Variants in DENND5B observed in about 807,000 individuals in gnomAD.
The protein encoded by DENND5B is DENN domain containing 5B.
Under a neutral mutation model 140.6 loss-of-function variants are expected in DENND5B, and 34 were observed. The ratio of observed to expected loss-of-function variants is 0.24; its 90% CI spans 0.18 to 0.32. The LOEUF (loss-of-function observed/expected upper bound fraction) is 0.32, where lower values mean the gene tolerates loss of function less well. Among genes scored for constraint, DENND5B ranks in the 10% least tolerant of loss-of-function variants. The pLI is 1.00. For synonymous variants in DENND5B, 551 were observed against 562.1 expected, an observed-to-expected ratio of 0.98 and a Z score of 0.28; for missense variants, 1,142 against 1,560.2, an observed-to-expected ratio of 0.73 and a Z score of 4.52.
rs577962998 is a variant in DENND5B, at chr12:31,484,076, A to T, written c.238-3821T>A. Among the ~76,000 whole-genome samples, 4 of 151,226 alleles carry T rather than the reference A, an allele frequency of 2.6e-5. No individual in the cohort carries two copies. The South Asian group carries it at 8.4e-4, about 32-fold the overall frequency. On this transcript the variant is annotated intron_variant, in intron 2 of 20. Transcript: ENST00000389082. ...CCATTTTTGGCCAGGCTGGTCTCAA[A>T]CTCCTGACCTCAAGTGATCTGCCCG...
intron 1 of DENND5B, among the ~76,000 whole-genome samples, chr12:31,584,689 T>G (rs1270234940): frequency 6.6e-6 from 1 of 151,922 alleles, no homozygotes; most frequent in Non-Finnish European, 1.5e-5. Context: ...TAGCCAGGCA[T>G]GGTGGCACAT....
intron 2 of DENND5B, among the ~76,000 whole-genome samples, chr12:31,495,537 C>T (rs543971494): frequency 1.7e-3 from 259 of 152,090 alleles, no homozygotes; most frequent in Non-Finnish European, 2.9e-3. Context: ...TGCCACCACA[C>T]CTGGCCAATT....
At chr12:31,579,638 G>GTTTA (rs143308745) in intron 1 of DENND5B, among the ~76,000 whole-genome samples, 212 of 150,268 alleles carry the variant, frequency 1.4e-3, no homozygotes, top group African/African-American at 4.2e-3. Context: ...TCTAGCCTGG[G>GTTTA]TTTATTTATT....
chr12:31,456,332 A>G (rs1410185965), intron 4 of DENND5B, among the ~76,000 whole-genome samples: 82 of 25,894 alleles, frequency 3.2e-3, no homozygotes, highest in African/African-American at 5.3e-3. Context: ...TCCGTCTCAA[A>G]AAAAAAAAAA....
chr12:31,561,259 AC>A (rs1949464948), intron 1 of DENND5B, among the ~76,000 whole-genome samples: 1 of 152,212 alleles, frequency 6.6e-6, no homozygotes, highest in South Asian at 2.1e-4. Flanking sequence ...TTCCTTATCC[AC>A]ATATCGCAAA....
chr12:31,401,004 G>A (rs547240278), intron 15 of DENND5B, among the ~76,000 whole-genome samples: 9 of 152,024 alleles, frequency 5.9e-5, no homozygotes, highest in African/African-American at 1.9e-4. Flanking sequence ...CACCATGCCC[G>A]GCTAATTTTT....
intron 1 of DENND5B, among the ~76,000 whole-genome samples, chr12:31,517,096 G>A (rs577435051): frequency 9.9e-5 from 15 of 151,854 alleles, no homozygotes; most frequent in African/African-American, 2.7e-4. Context: ...TCTTAAATTC[G>A]GCTGGGGAAA....
At chr12:31,512,392 T>C (rs1418530194) in intron 1 of DENND5B, among the ~76,000 whole-genome samples, 4 of 151,362 alleles carry the variant, frequency 2.6e-5, no homozygotes, top group Non-Finnish European at 4.4e-5. Flanking sequence ...CTAATTTTTT[T>C]TTTTTTTTTT....
At chr12:31,511,647 A>G (rs767358506) in intron 1 of DENND5B, among the ~76,000 whole-genome samples, 14 of 151,808 alleles carry the variant, frequency 9.2e-5, no homozygotes, top group Non-Finnish European at 2.1e-4. Context: ...ACACTGTTAA[A>G]TTATATCTTC....
chr12:31,441,272 G>A (rs1944017229), intron 7 of DENND5B, among the ~76,000 whole-genome samples: 1 of 152,046 alleles, frequency 6.6e-6, no homozygotes, highest in Non-Finnish European at 1.5e-5. Flanking sequence ...TGAGCCTGGG[G>A]AGGTCAAGGC....
At chr12:31,421,019 G>T (rs1021993918) in intron 11 of DENND5B, among the ~76,000 whole-genome samples, 3 of 152,102 alleles carry the variant, frequency 2.0e-5, no homozygotes, top group African/African-American at 4.8e-5. Flanking sequence ...TTCAGTGCTA[G>T]TAAGAATAAT....
chr12:31,589,198 G>T (rs1188061924), intron 1 of DENND5B, among the ~76,000 whole-genome samples: 1 of 152,158 alleles, frequency 6.6e-6, no homozygotes, highest in South Asian at 2.1e-4. Flanking sequence ...GGGAAGAAAG[G>T]AGTCTAGAAA....
chr12:31,434,340 A>G (rs1943645022), intron 7 of DENND5B, among the ~76,000 whole-genome samples: 1 of 152,182 alleles, frequency 6.6e-6, no homozygotes, highest in African/African-American at 2.4e-5. Context: ...GATTGATAAA[A>G]TCAGTGCTAG....
rs767404652 is a variant in DENND5B, at chr12:31,433,266, T to C, written c.2013-18A>G. ...CCCAGCGACTGAAACAATCAAATTA[T>C]TTAAAAATGTGTTCCTTATCTTTAA... On this transcript the variant is annotated intron_variant, in intron 7 of 20. Transcript: ENST00000389082. 15 of 1,603,154 alleles carry C rather than the reference T, an allele frequency of 9.4e-6. No homozygotes were observed. The South Asian group carries it at 1.5e-4, about 16-fold the overall frequency.
In DENND5B at chr12:31,452,109, T is replaced by C. The variant is rs1194773453; in HGVS notation, c.1460A>G (p.His487Arg). Reference sequence around the variant, plus strand: ...GTCCCTTAGTTCTGCCTCTTCACAATGCAGTTTTAAATCCTTGTCTTTTTC... The same window carrying C: ...GTCCCTTAGTTCTGCCTCTTCACAACGCAGTTTTAAATCCTTGTCTTTTTC... ...LGEKDKDLKL[H>R]CEEAELRDYQ... Residue 487 changes from histidine (H) to arginine (R), a missense_variant, in exon 5 of 21, where the codon CAT becomes CGT. His to Arg is a conservative substitution (Grantham distance 29). Coordinates refer to ENST00000389082, the MANE Select transcript of DENND5B (RefSeq NM_144973.4). 1.9e-6 allele frequency: 3 copies of C among 1,613,878 alleles called. No individual in the cohort carries two copies. The highest frequency in any genetic ancestry group is 2.5e-6 in the Non-Finnish European group (3 of 1,179,896).
chr12:31,484,069 G>C (rs183249893), intron 2 of DENND5B, among the ~76,000 whole-genome samples: 6 of 151,928 alleles, frequency 3.9e-5, no homozygotes, highest in African/African-American at 1.4e-4. Flanking sequence ...GGCCAGGCTG[G>C]TCTCAAACTC....
chr12:31,449,734 T>TTTTTTTTG (rs1555149759), intron 5 of DENND5B, among the ~76,000 whole-genome samples: 4 of 92,824 alleles, frequency 4.3e-5, no homozygotes, highest in Non-Finnish European at 6.9e-5. Context: ...CAGATTAGTT[T>TTTTTTTTG]TTTTTTTTTT....
chr12:31,412,554 T>A (rs1482610996), intron 13 of DENND5B, among the ~76,000 whole-genome samples: 1 of 152,212 alleles, frequency 6.6e-6, no homozygotes, highest in Non-Finnish European at 1.5e-5. Context: ...CTAATGCTGC[T>A]GATCTGACAG....
chr12:31,487,779 AG>A (rs1432986978), intron 2 of DENND5B, among the ~76,000 whole-genome samples: 1 of 152,238 alleles, frequency 6.6e-6, no homozygotes, highest in Middle Eastern at 3.2e-3. Context: ...TAGTCAATAA[AG>A]ATTGTAGAAG....
Sources: allele counts gnomAD v4.1 joint callset (sites outside exome capture counted in the v4.1 genomes callset), GRCh38; gene constraint gnomAD v4.1.1; transcripts MANE v1.5; gene names NCBI Gene and HGNC (gene_info 2026-07-23, HGNC 2026-07-21).